Variants in KHDRBS2 observed in about 807,000 individuals in gnomAD.
KHDRBS2 encodes KH RNA binding domain containing, signal transduction associated 2.
In KHDRBS2, 26 loss-of-function variants were observed where a neutral mutation model predicts 44.3. That is an observed-to-expected ratio of 0.59 (90% CI 0.43 to 0.81). KHDRBS2 has a LOEUF of 0.81. Ranked by LOEUF, KHDRBS2 falls within the 40% of genes least tolerant of loss-of-function variation. KHDRBS2 has a pLI of 0.00. For missense variants in KHDRBS2, 476 were observed against 433.1 expected (o/e 1.10, Z -0.88); for synonymous variants, 194 against 151.1 (o/e 1.28, Z -2.08).
At chr6:61,607,746 G>C in the KHDRBS2 span, among the ~76,000 whole-genome samples, 1 of 152,062 alleles carries the variant, frequency 6.6e-6, no homozygotes, top group East Asian at 1.9e-4. Context: ...GGAGTGCAGT[G>C]GTGCAATCTT....
intron 6 of KHDRBS2, among the ~76,000 whole-genome samples, chr6:61,766,356 G>T (rs1343385940): frequency 6.6e-6 from 1 of 151,324 alleles, no homozygotes; most frequent in Non-Finnish European, 1.5e-5. Flanking sequence ...ATTTATTTGG[G>T]TCTTCTCTCT....
At chr6:61,871,546 C>T (rs1032855382) in intron 6 of KHDRBS2, among the ~76,000 whole-genome samples, 12 of 151,824 alleles carry the variant, frequency 7.9e-5, no homozygotes, top group African/African-American at 2.9e-4. Context: ...AGCCACAAGA[C>T]ACATCATCAG....
At chr6:61,810,440 G>C (rs1787938670) in intron 6 of KHDRBS2, among the ~76,000 whole-genome samples, 1 of 152,064 alleles carries the variant, frequency 6.6e-6, no homozygotes, top group Non-Finnish European at 1.5e-5. Context: ...CAACTGCCTA[G>C]CCAGTGTTAA....
At chr6:62,019,377 A>G (rs560811215) in intron 3 of KHDRBS2, among the ~76,000 whole-genome samples, 2 of 152,222 alleles carry the variant, frequency 1.3e-5, no homozygotes, top group South Asian at 4.1e-4. Context: ...AATTGAGATT[A>G]TCATATAGTT....
At chr6:62,167,815 A>G (rs1819026207) in intron 2 of KHDRBS2, among the ~76,000 whole-genome samples, 2 of 152,304 alleles carry the variant, frequency 1.3e-5, no homozygotes, top group South Asian at 4.1e-4. Flanking sequence ...TTCCAAGATT[A>G]TAAGTGGCTA....
intron 2 of KHDRBS2, among the ~76,000 whole-genome samples, chr6:62,067,972 A>C (rs182854641): frequency 1.3e-4 from 19 of 151,756 alleles, no homozygotes; most frequent in Admixed American, 1.1e-3. Context: ...TTGTGTCCAC[A>C]TTGTGGCTAT....
At chr6:61,887,027 T>C (rs533246389) in intron 6 of KHDRBS2, among the ~76,000 whole-genome samples, 1 of 152,166 alleles carries the variant, frequency 6.6e-6, no homozygotes, top group African/African-American at 2.4e-5. Context: ...TGTGTGAAAC[T>C]GTGTGAGTTC....
chr6:62,072,353 G>A (rs1479316235), intron 2 of KHDRBS2, among the ~76,000 whole-genome samples: 1 of 152,032 alleles, frequency 6.6e-6, no homozygotes, highest in Non-Finnish European at 1.5e-5. Flanking sequence ...CTGCCTGATT[G>A]CCCTGGCCAG....
At chr6:61,714,776 T>C (rs144109994) in intron 7 of KHDRBS2, among the ~76,000 whole-genome samples, 271 of 152,000 alleles carry the variant, frequency 1.8e-3, no homozygotes, top group Non-Finnish European at 3.2e-3. Flanking sequence ...GGCTACTATC[T>C]TAAGTGAAAT....
At chr6:62,144,988 C>T (rs2150101042) in intron 2 of KHDRBS2, among the ~76,000 whole-genome samples, 1 of 152,018 alleles carries the variant, frequency 6.6e-6, no homozygotes, top group South Asian at 2.1e-4. Flanking sequence ...TTTAAAAGAT[C>T]CCCCACTGCT....
At chr6:61,950,780 G>C (rs374851090) in intron 4 of KHDRBS2, among the ~76,000 whole-genome samples, 194 of 152,070 alleles carry the variant, frequency 1.3e-3, no homozygotes, top group African/African-American at 4.6e-3. Flanking sequence ...GAGTTCCATT[G>C]CCATATCTTT....
In KHDRBS2 at chr6:62,090,559, GTT is replaced by G. The variant is rs538521180; in HGVS notation, c.220-42567_220-42566del. 3.5e-3 allele frequency among the ~76,000 whole-genome samples: 498 copies of G among 143,110 alleles called. 2 individuals are homozygous for G. Among genetic ancestry groups the G allele is most frequent in the African/African-American group, 8.0e-3 (314 of 39,326 alleles). 93.9% of individuals were successfully genotyped at this position (143,110 alleles called of 152,430 possible). A position where few individuals can be genotyped will look rare whatever the true frequency, so the allele number is the denominator to read the frequency against. ...AACACCTAGTGGTTATAGGAAAGGT[GTT>G]TTTTTTTTTTAATTTTACTTATTTA... is the stretch of plus-strand genomic sequence containing the variant. On this transcript the variant is annotated intron_variant, in intron 2 of 8. Transcript: ENST00000281156.
At chr6:62,055,564 C>T in intron 2 of KHDRBS2, among the ~76,000 whole-genome samples, 1 of 151,968 alleles carries the variant, frequency 6.6e-6, no homozygotes, top group East Asian at 1.9e-4. Flanking sequence ...AATCTCATTC[C>T]TAGATATATC....
At chr6:62,149,786 TA>T (rs1377800260) in intron 2 of KHDRBS2, among the ~76,000 whole-genome samples, 3 of 152,154 alleles carry the variant, frequency 2.0e-5, no homozygotes, top group African/African-American at 7.2e-5. Context: ...CAGCTTTAGT[TA>T]AAGGTATACC....
intron 7 of KHDRBS2, among the ~76,000 whole-genome samples, chr6:61,710,530 G>T (rs546002928): frequency 7.5e-4 from 114 of 151,466 alleles, no homozygotes; most frequent in African/African-American, 2.5e-3. Context: ...AATATACTCT[G>T]TATCAAGGCA....
chr6:62,194,354 C>T (rs926325938), intron 1 of KHDRBS2, among the ~76,000 whole-genome samples: 2 of 151,506 alleles, frequency 1.3e-5, no homozygotes, highest in African/African-American at 4.9e-5. Flanking sequence ...CTCTTGAAAC[C>T]CTTGTAAAAA....
intron 2 of KHDRBS2, among the ~76,000 whole-genome samples, chr6:62,089,077 A>G (rs1248044316): frequency 6.6e-6 from 1 of 152,032 alleles, no homozygotes; most frequent in African/African-American, 2.4e-5. Flanking sequence ...CCCCTCACCA[A>G]GCTGGAGCAT....
At chr6:61,696,380 C>A (rs145925257) in intron 8 of KHDRBS2, among the ~76,000 whole-genome samples, 4 of 151,816 alleles carry the variant, frequency 2.6e-5, no homozygotes, top group Admixed American at 6.6e-5. Flanking sequence ...CTCAGCCTCC[C>A]GAGTAGCTGA....
At chr6:62,207,017 T>C (rs1828097530) in intron 1 of KHDRBS2, among the ~76,000 whole-genome samples, 1 of 152,098 alleles carries the variant, frequency 6.6e-6, no homozygotes, top group Admixed American at 6.6e-5. Context: ...CATAAAAACA[T>C]CACAATGTAA....
Sources: gnomAD v4.1 joint callset for allele counts (sites outside exome capture counted in the v4.1 genomes callset) on GRCh38, gnomAD v4.1.1 for gene constraint, MANE v1.5 for transcripts, NCBI Gene and HGNC (gene_info 2026-07-23, HGNC 2026-07-21) for gene names.